The following NCALD variants were observed in gnomAD, a reference collection of about 807,000 sequenced individuals.
NCALD encodes neurocalcin delta, also known as neurocalcin-delta.
Under a neutral mutation model 18.6 loss-of-function variants are expected in NCALD, and 10 were observed. The ratio of observed to expected loss-of-function variants is 0.54; its 90% CI spans 0.33 to 0.91. NCALD has a LOEUF of 0.91. Among genes scored for constraint, NCALD ranks in the 40% least tolerant of loss-of-function variants. The pLI is 0.03. For missense variants in NCALD, 184 were observed against 247.6 expected (o/e 0.74, Z 1.72); for synonymous variants, 88 against 87.4 (o/e 1.01, Z -0.04).
At chr8:102,057,926 A>G (rs1360525689) in intron 1 of NCALD, among the ~76,000 whole-genome samples, 1 of 152,234 alleles carries the variant, frequency 6.6e-6, no homozygotes, top group Non-Finnish European at 1.5e-5. Context: ...TGGATCAGAA[A>G]AGGGTGTGTA....
intron 2 of NCALD, among the ~76,000 whole-genome samples, chr8:101,943,979 CAAA>C (rs34356914): frequency 2.7e-5 from 4 of 150,468 alleles, no homozygotes; most frequent in African/African-American, 5.0e-5. Context: ...AACAAACAAA[CAAA>C]AAAAAACAGA....
At chr8:101,695,220 G>A (rs920261437) in intron 2 of NCALD, among the ~76,000 whole-genome samples, 2 of 152,232 alleles carry the variant, frequency 1.3e-5, no homozygotes, top group Non-Finnish European at 2.9e-5. Flanking sequence ...GCTGTTTCAG[G>A]AGTTGCAGAG....
At chr8:101,867,974 T>C (rs1378459424) in intron 4 of NCALD, among the ~76,000 whole-genome samples, 2 of 152,198 alleles carry the variant, frequency 1.3e-5, no homozygotes, top group East Asian at 3.8e-4. Context: ...AACCTTTTTT[T>C]TGGCTTGCAC....
intron 1 of NCALD, among the ~76,000 whole-genome samples, chr8:102,023,352 G>C (rs980538604): frequency 1.4e-4 from 22 of 151,960 alleles, no homozygotes; most frequent in African/African-American, 5.1e-4. Context: ...ACTGGGTTTA[G>C]AACGAAAACT....
chr8:102,088,126 C>A (rs1177782231), intron 1 of NCALD, among the ~76,000 whole-genome samples: 1 of 152,170 alleles, frequency 6.6e-6, no homozygotes, highest in Non-Finnish European at 1.5e-5. Flanking sequence ...ACCCCATAAG[C>A]CCTGCTTTCA....
chr8:101,718,181 C>T (rs1001578861), intron 2 of NCALD, among the ~76,000 whole-genome samples: 1 of 152,184 alleles, frequency 6.6e-6, no homozygotes, highest in African/African-American at 2.4e-5. Context: ...TGTGAATGGA[C>T]TGAGGTGCTT....
intron 1 of NCALD, among the ~76,000 whole-genome samples, chr8:101,742,722 C>T (rs1315582491): frequency 6.6e-6 from 1 of 152,106 alleles, no homozygotes; most frequent in East Asian, 1.9e-4. Context: ...AGGTTTGTTA[C>T]ATAGGTAAAT....
intron 4 of NCALD, among the ~76,000 whole-genome samples, chr8:101,864,428 G>T (rs1019857521): frequency 6.6e-6 from 1 of 152,136 alleles, no homozygotes; most frequent in Non-Finnish European, 1.5e-5. Flanking sequence ...TGGAAAAGTA[G>T]AATCTTAAAT....
intron 4 of NCALD, among the ~76,000 whole-genome samples, chr8:101,855,872 T>C (rs1415040407): frequency 1.3e-5 from 2 of 152,186 alleles, no homozygotes; most frequent in African/African-American, 4.8e-5. Context: ...GTTGATGTCA[T>C]GTTATTTGCT....
At chr8:101,950,619 C>T (rs886113037) in intron 2 of NCALD, among the ~76,000 whole-genome samples, 7 of 152,262 alleles carry the variant, frequency 4.6e-5, no homozygotes, top group East Asian at 1.9e-4. Context: ...TTCCTTGGCC[C>T]GTGGAATGTG....
At chr8:101,832,441 T>G (rs1038306471) in intron 4 of NCALD, among the ~76,000 whole-genome samples, 5 of 152,190 alleles carry the variant, frequency 3.3e-5, no homozygotes, top group African/African-American at 4.8e-5. Flanking sequence ...AAATAATTAT[T>G]TTCATTGCTT....
At chr8:101,808,359 T>G (rs1163489069) in intron 4 of NCALD, among the ~76,000 whole-genome samples, 1 of 152,146 alleles carries the variant, frequency 6.6e-6, no homozygotes, top group Non-Finnish European at 1.5e-5. Flanking sequence ...TCCCTAAAAC[T>G]TTACTATAAG....
At position 101,907,903 on chromosome 8, in the gene NCALD, C is replaced by T. The variant is rs901378544; in HGVS notation, c.-107+7906G>A. Among the ~76,000 whole-genome samples the T allele has an allele frequency of 6.0e-4, 91 of 152,318 alleles. 1 individual carries two copies. Among genetic ancestry groups the T allele is most frequent in the African/African-American group, 2.0e-3 (82 of 41,562 alleles). On this transcript the variant is annotated intron_variant, in intron 3 of 6. Coordinates refer to the NCALD transcript ENST00000311028. ...GTTGGTCATAAGTTCATAATAGCTA[C>T]GTGCCTCTTTTATTGGGGAGATGCC...
At chr8:101,872,959 G>A (rs772585629) in intron 4 of NCALD, among the ~76,000 whole-genome samples, 3 of 152,172 alleles carry the variant, frequency 2.0e-5, no homozygotes, top group Non-Finnish European at 4.4e-5. Flanking sequence ...AGGAAATGAG[G>A]ATCTCTGCAA....
At chr8:102,085,731 G>A (rs1048508125) in intron 1 of NCALD, among the ~76,000 whole-genome samples, 8 of 151,270 alleles carry the variant, frequency 5.3e-5, no homozygotes, top group Admixed American at 2.0e-4. Flanking sequence ...TCCAGCCTGG[G>A]TGACAGCAAG....
intron 4 of NCALD, among the ~76,000 whole-genome samples, chr8:101,819,260 T>C (rs1348480040): frequency 7.1e-5 from 9 of 126,390 alleles, no homozygotes; most frequent in Non-Finnish European, 3.3e-5. Context: ...TATAAATACA[T>C]AACTTTATTT....
At chr8:101,909,340 A>G (rs565266477) in intron 3 of NCALD, among the ~76,000 whole-genome samples, 379 of 152,328 alleles carry the variant, frequency 2.5e-3, no homozygotes, top group Non-Finnish European at 4.7e-3. Flanking sequence ...AGGATGAAGT[A>G]TCCACCCTGT....
At chr8:101,891,842 C>T (rs1181200119) in intron 3 of NCALD, among the ~76,000 whole-genome samples, 2 of 152,244 alleles carry the variant, frequency 1.3e-5, no homozygotes, top group African/African-American at 2.4e-5. Flanking sequence ...TTATATCCCA[C>T]ACCTGGCTCG....
At chr8:102,027,948 G>A (rs769323033) in intron 1 of NCALD, among the ~76,000 whole-genome samples, 11 of 152,086 alleles carry the variant, frequency 7.2e-5, no homozygotes, top group Non-Finnish European at 1.6e-4. Context: ...GGGGGTAATT[G>A]CCCCCATGAT....
Sources: allele counts gnomAD v4.1 joint callset (sites outside exome capture counted in the v4.1 genomes callset), GRCh38; gene constraint gnomAD v4.1.1; transcripts MANE v1.5; gene names NCBI Gene and HGNC (gene_info 2026-07-23, HGNC 2026-07-21).